The following PEBP4 variants were observed in gnomAD, a reference collection of about 807,000 sequenced individuals.
PEBP4 encodes phosphatidylethanolamine-binding protein 4.
Under a neutral mutation model 23.9 loss-of-function variants are expected in PEBP4, and 22 were observed. The observed-to-expected ratio is 0.92, with a 90% CI of 0.66 to 1.31. PEBP4 has a LOEUF of 1.31. Ranked by LOEUF, PEBP4 falls within the 40% of genes most tolerant of loss-of-function variation. PEBP4 has a pLI of 0.00. For missense variants in PEBP4, 324 were observed against 281.7 expected (o/e 1.15, Z -1.07); for synonymous variants, 112 against 99.3 (o/e 1.13, Z -0.76).
At chr8:22,898,400 A>C (rs865830108) in intron 3 of PEBP4, among the ~76,000 whole-genome samples, 28,900 of 105,156 alleles carry the variant, frequency 0.27, 5,485 homozygotes, top group Middle Eastern at 0.41. Context: ...CCAAAAAAAA[A>C]AAAAAAAAAA....
chr8:22,882,667 C>A (rs1419878357), intron 3 of PEBP4, among the ~76,000 whole-genome samples: 1 of 152,144 alleles, frequency 6.6e-6, no homozygotes, highest in African/African-American at 2.4e-5. Flanking sequence ...CCTCACTGAT[C>A]CTGGAGGGAC....
At chr8:22,719,808 G>C (rs1009753397) in intron 6 of PEBP4, among the ~76,000 whole-genome samples, 1 of 152,286 alleles carries the variant, frequency 6.6e-6, no homozygotes, top group Admixed American at 6.5e-5. Context: ...GGGCAGGGTG[G>C]CTGGTGGAGA....
At chr8:22,793,162 T>G (rs1806174621) in intron 4 of PEBP4, among the ~76,000 whole-genome samples, 1 of 152,226 alleles carries the variant, frequency 6.6e-6, no homozygotes. Context: ...AAATGAGTTG[T>G]GCTCTAATTA....
intron 3 of PEBP4, among the ~76,000 whole-genome samples, chr8:22,893,909 AT>A (rs1808544212): frequency 6.6e-6 from 1 of 152,244 alleles, no homozygotes; most frequent in South Asian, 2.1e-4. Flanking sequence ...TGGCTGAAAA[AT>A]GTCTTAATTT....
intron 6 of PEBP4, among the ~76,000 whole-genome samples, chr8:22,719,331 G>A (rs555758532): frequency 8.2e-4 from 125 of 152,304 alleles, no homozygotes; most frequent in African/African-American, 2.8e-3. Flanking sequence ...ATGTCCTCTC[G>A]TGGGGCAGAG....
chr8:22,860,164 A>C (rs987585901), intron 3 of PEBP4, among the ~76,000 whole-genome samples: 4 of 129,398 alleles, frequency 3.1e-5, no homozygotes, highest in African/African-American at 1.1e-4. Context: ...ATACACATAT[A>C]TATGTATATA....
intron 3 of PEBP4, among the ~76,000 whole-genome samples, chr8:22,916,532 C>T (rs1809076436): frequency 6.6e-6 from 1 of 152,192 alleles, no homozygotes; most frequent in African/African-American, 2.4e-5. Context: ...GGAGAGAGTC[C>T]TGCTGCCCTG....
chr8:22,933,005 C>CA (rs11474736), intron 1 of PEBP4, among the ~76,000 whole-genome samples: 1,712 of 134,240 alleles, frequency 0.013, 20 homozygotes, highest in African/African-American at 0.022. Flanking sequence ...ACTCCGTCTC[C>CA]AAAAAAAAAA....
At chr8:22,799,818 T>C (rs1252547858) in intron 4 of PEBP4, among the ~76,000 whole-genome samples, 1 of 152,096 alleles carries the variant, frequency 6.6e-6, no homozygotes, top group African/African-American at 2.4e-5. Context: ...GATCTAGAAG[T>C]AGAAATACCA....
chr8:22,755,820 C>T (rs1456288169), intron 4 of PEBP4: 1 of 152,104 alleles, frequency 6.6e-6, no homozygotes, highest in Non-Finnish European at 1.5e-5. Context: ...GCTGTGCCAA[C>T]CTTTGCACAG....
At chr8:22,749,852 C>A (rs999966703) in intron 4 of PEBP4, among the ~76,000 whole-genome samples, 1 of 121,900 alleles carries the variant, frequency 8.2e-6, no homozygotes, top group Non-Finnish European at 1.7e-5. Context: ...TGTTGCCCAG[C>A]CTGGAATGCA....
rs914048938 is a variant in PEBP4 at position 22,761,823 on chromosome 8, C to CT, written c.358-34604dup. ...TCTTTCTCGCTCTCTCTCTTTCTCTCTTTTTTTTTACAGTAAAATCACAGC... is the reference window on the plus strand; with the variant it reads ...TCTTTCTCGCTCTCTCTCTTTCTCTCTTTTTTTTTTACAGTAAAATCACAGC... On this transcript the variant is annotated intron_variant, in intron 4 of 6. Coordinates refer to ENST00000256404, the MANE Select transcript of PEBP4 (RefSeq NM_144962.3). Among the ~76,000 whole-genome samples, 145 of 151,526 alleles carry CT rather than the reference C, an allele frequency of 9.6e-4. 1 individual carries two copies. Among genetic ancestry groups the CT allele is most frequent in the African/African-American group, 2.8e-3 (115 of 41,292 alleles).
intron 3 of PEBP4, among the ~76,000 whole-genome samples, chr8:22,842,242 A>G (rs990789083): frequency 6.6e-6 from 1 of 152,186 alleles, no homozygotes; most frequent in African/African-American, 2.4e-5. Flanking sequence ...ACGTTTGGAG[A>G]AACTGGCGGA....
At chr8:22,856,792 C>T (rs1247491843) in intron 3 of PEBP4, among the ~76,000 whole-genome samples, 2 of 151,954 alleles carry the variant, frequency 1.3e-5, no homozygotes, top group East Asian at 3.8e-4. Flanking sequence ...TCTATTAGTT[C>T]CTCTTCTAGG....
chr8:22,794,204 G>T (rs896971191), intron 4 of PEBP4, among the ~76,000 whole-genome samples: 4 of 152,052 alleles, frequency 2.6e-5, no homozygotes, highest in Admixed American at 6.6e-5. Flanking sequence ...AACATTTATT[G>T]AGTGCCTACT....
chr8:22,740,965 C>G (rs925199687), intron 4 of PEBP4, among the ~76,000 whole-genome samples: 2 of 152,298 alleles, frequency 1.3e-5, no homozygotes, highest in African/African-American at 4.8e-5. Context: ...ATGCTCCCCC[C>G]ACCTACCCTA....
chr8:22,851,479 G>A (rs534336814), intron 3 of PEBP4, among the ~76,000 whole-genome samples: 1 of 152,196 alleles, frequency 6.6e-6, no homozygotes, highest in Non-Finnish European at 1.5e-5. Flanking sequence ...AGATCATCTG[G>A]TATAACCTTA....
In PEBP4 at chr8:22,778,193, T is replaced by A. The variant is rs1585267332; in HGVS notation, c.357+39444A>T. ...GCTTATCTGAGCTCTGCAGTGATTG[T>A]CCATCTCGCCCCTCTCTGCTTGGGC... On this transcript the variant is annotated intron_variant, in intron 4 of 6. Coordinates refer to ENST00000256404, the MANE Select transcript of PEBP4 (RefSeq NM_144962.3). Among the ~76,000 whole-genome samples the A allele has an allele frequency of 2.0e-5, 3 of 151,902 alleles. No homozygotes were observed. The East Asian group carries it at 5.8e-4, about 29-fold the overall frequency.
chr8:22,868,621 C>G (rs985312091), intron 3 of PEBP4, among the ~76,000 whole-genome samples: 3 of 152,198 alleles, frequency 2.0e-5, no homozygotes, highest in African/African-American at 7.2e-5. Context: ...CCCCTGACCC[C>G]TAAACCTGCT....
Sources: gnomAD v4.1 joint callset for allele counts (sites outside exome capture counted in the v4.1 genomes callset) on GRCh38, gnomAD v4.1.1 for gene constraint, MANE v1.5 for transcripts, NCBI Gene and HGNC (gene_info 2026-07-23, HGNC 2026-07-21) for gene names.